FXYD7: variants seen among roughly 807,000 people sequenced by gnomAD.
FXYD7 encodes the protein FXYD domain containing ion transport regulator 7.
Under a neutral mutation model 15.3 loss-of-function variants are expected in FXYD7, and 7 were observed. The observed-to-expected ratio is 0.46, with a 90% CI of 0.26 to 0.86. The LOEUF (loss-of-function observed/expected upper bound fraction) is 0.86, where lower values mean the gene tolerates loss of function less well. Ranked by LOEUF, FXYD7 falls within the 40% of genes least tolerant of loss-of-function variation. The pLI, the probability that FXYD7 is intolerant of heterozygous loss-of-function variation, is 0.16. For synonymous variants in FXYD7, 39 were observed against 39.3 expected (o/e 0.99, Z 0.03); for missense variants, 78 against 100.6 (o/e 0.78, Z 0.96).
chr19:35,149,927 TC>T (rs1392416156), intron 2 of FXYD7, among the ~76,000 whole-genome samples: 1 of 152,132 alleles, frequency 6.6e-6, no homozygotes, highest in Non-Finnish European at 1.5e-5. Flanking sequence ...GATTTTTTTT[TC>T]TTTTTTTAGA....
intron 2 of FXYD7, chr19:35,149,228 C>G (rs1405725483): frequency 2.8e-6 from 1 of 353,000 alleles, no homozygotes; most frequent in Non-Finnish European, 5.6e-6. Flanking sequence ...CCTGGTAGAT[C>G]GGGCTCCAGT....
chr19:35,153,927 A>G lies in FXYD7; in HGVS notation c.*11A>G. ...GGCGGCGGCGTGTAACACCTTCCCG[A>G]GGAAACTCCGCTGCCGACCCTGCCT... On this transcript the variant is annotated 3_prime_UTR_variant, in exon 6 of 6. Coordinates refer to ENST00000270310, the MANE Select transcript of FXYD7 (RefSeq NM_022006.2). 5 of 1,611,248 alleles carry G rather than the reference A, an allele frequency of 3.1e-6. No homozygotes were observed. The highest frequency in any genetic ancestry group is 4.2e-6 in the Non-Finnish European group (5 of 1,178,490).
intron 2 of FXYD7, 90 bp downstream of exon 2, chr19:35,148,813 A>G (rs2065299469): frequency 1.7e-6 from 2 of 1,163,602 alleles, no homozygotes; most frequent in Non-Finnish European, 2.6e-6. Context: ...CTGTGGCCAC[A>G]CGATACGTGC....
chr19:35,149,078 G>A (rs576009165), intron 2 of FXYD7: 3 of 488,970 alleles, frequency 6.1e-6, no homozygotes, highest in Admixed American at 4.6e-5. Flanking sequence ...ATGGCCTTGG[G>A]CAAGCAACTT....
At chr19:35,148,071 GAAAGAAAGAAAGAAAGAAAGAA>G (rs1376892537) in intron 1 of FXYD7, among the ~76,000 whole-genome samples, 8 of 121,760 alleles carry the variant, frequency 6.6e-5, no homozygotes, top group African/African-American at 2.1e-4. Flanking sequence ...AAGAAAGAAA[GAAAGAAAGAAAGAAAGAAAGAA>G]AGAGAGAGAG....
intron 2 of FXYD7, chr19:35,149,025 G>A: frequency 1.8e-6 from 1 of 554,428 alleles, no homozygotes; most frequent in Non-Finnish European, 3.4e-6. Flanking sequence ...TCTGAGCCCA[G>A]GCTGCCTGGA....
intron 1 of FXYD7, among the ~76,000 whole-genome samples, chr19:35,148,067 GAAAGAAAGAA>G (rs2065296250): frequency 8.4e-6 from 1 of 118,486 alleles, no homozygotes; most frequent in Non-Finnish European, 1.7e-5. Context: ...AAGAAAGAAA[GAAAGAAAGAA>G]AGAAAGAAAG....
At chr19:35,151,080 G>A (rs146895097) in intron 2 of FXYD7, among the ~76,000 whole-genome samples, 174 bp from the exon 3 acceptor site, 10 of 152,086 alleles carry the variant, frequency 6.6e-5, no homozygotes, top group Admixed American at 2.6e-4. Context: ...AGCTAACGGT[G>A]CCCAAGCCCA....
intron 1 of FXYD7, among the ~76,000 whole-genome samples, chr19:35,144,287 G>C (rs1350894797): frequency 6.6e-6 from 1 of 152,076 alleles, no homozygotes; most frequent in Non-Finnish European, 1.5e-5. Flanking sequence ...TCCCAGAGGT[G>C]CTGTTGGGTA....
intron 2 of FXYD7, chr19:35,149,043 C>T (rs1490953490): frequency 1.9e-6 from 1 of 526,922 alleles, no homozygotes; most frequent in Non-Finnish European, 3.7e-6. Flanking sequence ...GGATTTGAAT[C>T]CTGCCTTATC....
chr19:35,153,306 A>G (rs2065322907), intron 5 of FXYD7, among the ~76,000 whole-genome samples: 1 of 151,980 alleles, frequency 6.6e-6, no homozygotes, highest in South Asian at 2.1e-4. Flanking sequence ...ACGATCCGCC[A>G]TCCTCGGCCT....
chr19:35,145,165 G>T lies in FXYD7; in HGVS notation c.31+1801G>T, dbSNP rs376515766. ...TGCATCTCACACAGGACCTCACAGGGGACCCCACCCAGCCTGGGGTGGCGG... is the reference window on the plus strand; with the variant it reads ...TGCATCTCACACAGGACCTCACAGGTGACCCCACCCAGCCTGGGGTGGCGG... On this transcript the variant is annotated intron_variant, in intron 1 of 5. Transcript: ENST00000270310. 1.5e-4 allele frequency among the ~76,000 whole-genome samples: 23 copies of T among 152,260 alleles called. No homozygotes were observed. The South Asian group carries it at 4.8e-3, about 32-fold the overall frequency.
intron 5 of FXYD7, 139 bp downstream of exon 5, chr19:35,151,812 C>A: frequency 2.8e-6 from 2 of 726,154 alleles, no homozygotes. Flanking sequence ...CAGGACAATT[C>A]CCTAGGAAGC....
intron 1 of FXYD7, among the ~76,000 whole-genome samples, chr19:35,148,309 C>T (rs1426760647): frequency 6.6e-6 from 1 of 152,104 alleles, no homozygotes; most frequent in Non-Finnish European, 1.5e-5. Context: ...ATTGGTTCAC[C>T]AGTGGAAATG....
At chr19:35,152,041 AG>A (rs1166662735) in intron 5 of FXYD7, among the ~76,000 whole-genome samples, 1 of 145,364 alleles carries the variant, frequency 6.9e-6, no homozygotes, top group African/African-American at 2.6e-5. Flanking sequence ...CAGGAGGCTG[AG>A]GCAAGAGAAT....
rs747632330 is a variant in FXYD7 at position 35,151,516 on chromosome 19, C to T, written c.179+34C>T. The stretch of plus-strand genomic sequence containing the variant: ...GCAGTGGGCAAAGAGCGGGAGGGGG[C>T]CTCGGGGTGCCTCCCTAGCAGATGG... On this transcript the variant is annotated intron_variant, in intron 4 of 5. Transcript: ENST00000270310. The T allele has an allele frequency of 3.1e-6, 5 of 1,609,044 alleles. No individual in the cohort carries two copies. The East Asian group carries it at 8.9e-5, about 29-fold the overall frequency.
intron 5 of FXYD7, among the ~76,000 whole-genome samples, chr19:35,152,688 A>G (rs551763149): frequency 6.6e-6 from 1 of 151,654 alleles, no homozygotes; most frequent in East Asian, 1.9e-4. Context: ...CCCAGGAAGG[A>G]AGGGGAGGAG....
intron 1 of FXYD7, among the ~76,000 whole-genome samples, chr19:35,145,260 C>G (rs1279412468): frequency 1.3e-5 from 2 of 152,352 alleles, no homozygotes; most frequent in East Asian, 1.9e-4. Context: ...CCTGATATCT[C>G]TTTGGCAGCT....
chr19:35,146,815 C>G (rs192963308), intron 1 of FXYD7, among the ~76,000 whole-genome samples: 60 of 152,272 alleles, frequency 3.9e-4, no homozygotes, highest in Non-Finnish European at 1.8e-4. Context: ...CAGCACCAAC[C>G]TAAGCCATCC....
Sources: gnomAD v4.1 joint callset for allele counts (sites outside exome capture counted in the v4.1 genomes callset) on GRCh38, gnomAD v4.1.1 for gene constraint, MANE v1.5 for transcripts, NCBI Gene and HGNC (gene_info 2026-07-23, HGNC 2026-07-21) for gene names.